SPATS2: variants seen among roughly 807,000 people sequenced by gnomAD.
The protein encoded by SPATS2 is spermatogenesis associated serine rich 2.
SPATS2 carries 38 observed loss-of-function variants against 63.7 expected under a neutral mutation model. That is an observed-to-expected ratio of 0.60 (90% CI 0.46 to 0.78). The LOEUF (loss-of-function observed/expected upper bound fraction) is 0.78. Among genes scored for constraint, SPATS2 ranks in the 30% least tolerant of loss-of-function variants. The pLI is 0.00. For missense variants in SPATS2, 588 were observed against 666.2 expected, an observed-to-expected ratio of 0.88 and a Z score of 1.29; for synonymous variants, 207 against 232.9, an observed-to-expected ratio of 0.89 and a Z score of 1.01.
chr12:49,483,641 T>G (rs996724239), intron 3 of SPATS2, among the ~76,000 whole-genome samples: 8 of 152,190 alleles, frequency 5.3e-5, no homozygotes, highest in African/African-American at 1.4e-4. Flanking sequence ...GCAAAATAAT[T>G]TGGAAAGTGT....
intron 2 of SPATS2, among the ~76,000 whole-genome samples, chr12:49,398,700 G>A (rs920541870): frequency 7.9e-5 from 12 of 152,060 alleles, no homozygotes; most frequent in African/African-American, 2.9e-4. Context: ...CTTGGATTAC[G>A]GATATTCTTT....
At chr12:49,486,433 G>A (rs1391862390) in intron 4 of SPATS2, 2 of 265,628 alleles carry the variant, frequency 7.5e-6, no homozygotes, top group African/African-American at 4.7e-5. Flanking sequence ...TCAATCTCCT[G>A]CGTGATCCAC....
chr12:49,512,938 T>C (rs1360399485), intron 9 of SPATS2: 1 of 1,283,658 alleles, frequency 7.8e-7, no homozygotes, highest in Non-Finnish European at 1.0e-6. Context: ...AAAGTATTGC[T>C]ACCCCACAAT....
At chr12:49,415,803 G>A (rs115563911) in intron 2 of SPATS2, among the ~76,000 whole-genome samples, 3,370 of 152,170 alleles carry the variant, frequency 0.022, 118 homozygotes, top group African/African-American at 0.077. Flanking sequence ...AAACTAATAG[G>A]TATGGCTGTG....
At chr12:49,447,553 A>G (rs948318005) in intron 2 of SPATS2, among the ~76,000 whole-genome samples, 53 of 152,256 alleles carry the variant, frequency 3.5e-4, no homozygotes, top group African/African-American at 1.0e-3. Context: ...TCTATTTTCT[A>G]AAACAGTTTG....
intron 2 of SPATS2, among the ~76,000 whole-genome samples, chr12:49,436,782 G>A (rs1217113756): frequency 2.1e-5 from 3 of 144,012 alleles, no homozygotes; most frequent in Admixed American, 6.7e-5. Flanking sequence ...CGGGCAGAGG[G>A]GCTCCTCACT....
chr12:49,514,166 A>G (rs959238472), intron 9 of SPATS2, among the ~76,000 whole-genome samples: 8 of 152,166 alleles, frequency 5.3e-5, no homozygotes, highest in African/African-American at 1.7e-4. Flanking sequence ...AAAAAAAAAA[A>G]AAAAGTATGT....
At chr12:49,483,343 A>G (rs1426243818) in intron 3 of SPATS2, among the ~76,000 whole-genome samples, 1 of 151,688 alleles carries the variant, frequency 6.6e-6, no homozygotes, top group Admixed American at 6.6e-5. Context: ...CATTTGGCTG[A>G]TCTATAGGAA....
chr12:49,519,921 TCTC>T (rs979580540), intron 11 of SPATS2, among the ~76,000 whole-genome samples: 1 of 151,562 alleles, frequency 6.6e-6, no homozygotes, highest in African/African-American at 2.4e-5. Flanking sequence ...TGCAAGCAAT[TCTC>T]CTGCTCCAGC....
chr12:49,494,686 G>C, intron 6 of SPATS2, 55 bp from the exon 7 acceptor site: 1 of 1,457,634 alleles, frequency 6.9e-7, no homozygotes, highest in Non-Finnish European at 9.1e-7. Context: ...TCTCTAGGTT[G>C]TGGGGGAATC....
intron 3 of SPATS2, among the ~76,000 whole-genome samples, chr12:49,477,985 T>TA (rs1555188682): frequency 0.025 from 3,503 of 141,430 alleles, 45 homozygotes; most frequent in Middle Eastern, 0.056. Context: ...TTTTTTTTTT[T>TA]AATTTTTGAG....
At chr12:49,464,952 A>G (rs938383114) in intron 3 of SPATS2, among the ~76,000 whole-genome samples, 1 of 152,208 alleles carries the variant, frequency 6.6e-6, no homozygotes, top group African/African-American at 2.4e-5. Flanking sequence ...TGCATTTTCT[A>G]GAAATTTCAT....
chr12:49,512,594 C>T (rs1946770554), intron 9 of SPATS2, among the ~76,000 whole-genome samples: 1 of 152,128 alleles, frequency 6.6e-6, no homozygotes, highest in African/African-American at 2.4e-5. Flanking sequence ...CAAATTTCCA[C>T]AAAAAAGCCT....
intron 2 of SPATS2, among the ~76,000 whole-genome samples, chr12:49,419,187 T>C (rs1174152208): frequency 1.3e-5 from 2 of 152,242 alleles, no homozygotes; most frequent in African/African-American, 4.8e-5. Context: ...AACTTATCTT[T>C]TAGAATATTT....
chr12:49,368,704 CA>C (rs1943946812), intron 1 of SPATS2, among the ~76,000 whole-genome samples: 1 of 152,156 alleles, frequency 6.6e-6, no homozygotes, highest in Non-Finnish European at 1.5e-5. Flanking sequence ...ATGATGTTTG[CA>C]TTTCCTTAAT....
At chr12:49,417,853 G>C (rs1592376556) in intron 2 of SPATS2, among the ~76,000 whole-genome samples, 1 of 152,078 alleles carries the variant, frequency 6.6e-6, no homozygotes, top group Non-Finnish European at 1.5e-5. Context: ...GTTGAATTTG[G>C]GGTAGAGGGA....
intron 3 of SPATS2, chr12:49,462,706 G>A: frequency 1.9e-6 from 1 of 537,498 alleles, no homozygotes; most frequent in Non-Finnish European, 3.3e-6. Flanking sequence ...AGGGGTTGGT[G>A]GGGTGCGGGT....
chr12:49,438,262 G>C (rs1164372971), intron 2 of SPATS2, among the ~76,000 whole-genome samples: 3 of 152,108 alleles, frequency 2.0e-5, no homozygotes, highest in Non-Finnish European at 4.4e-5. Flanking sequence ...ATGAGATATA[G>C]CTATGTTGTA....
chr12:49,425,288 C>T (rs1945054270), intron 2 of SPATS2, among the ~76,000 whole-genome samples: 1 of 152,090 alleles, frequency 6.6e-6, no homozygotes, highest in Non-Finnish European at 1.5e-5. Context: ...CTAGAGCCTT[C>T]TGTTTAGTTT....
Sources: allele counts gnomAD v4.1 joint callset (sites outside exome capture counted in the v4.1 genomes callset), GRCh38; gene constraint gnomAD v4.1.1; transcripts MANE v1.5; gene names NCBI Gene and HGNC (gene_info 2026-07-23, HGNC 2026-07-21).